WWTR1: variants seen among roughly 807,000 people sequenced by gnomAD.
WWTR1 encodes WW domain containing transcription regulator 1.
WWTR1 carries 13 observed loss-of-function variants against 40.1 expected under a neutral mutation model. That is an observed-to-expected ratio of 0.32 (90% confidence interval 0.21 to 0.52). WWTR1 has a LOEUF of 0.52. WWTR1 is among the 20% of genes least tolerant of loss of function. The pLI is 0.97. For synonymous variants in WWTR1, 230 were observed against 210.1 expected, an observed-to-expected ratio of 1.09 and a Z score of -0.82; for missense variants, 436 against 523.1, an observed-to-expected ratio of 0.83 and a Z score of 1.63.
upstream of WWTR1, among the ~76,000 whole-genome samples, chr3:149,704,040 T>C (rs1180381636): frequency 6.6e-6 from 1 of 152,172 alleles, no homozygotes; most frequent in East Asian, 1.9e-4. Context: ...TGCAGTGGCA[T>C]GATCATGGCT....
intron 3 of WWTR1, among the ~76,000 whole-genome samples, chr3:149,570,551 G>A (rs1046294451): frequency 1.1e-4 from 16 of 150,036 alleles, no homozygotes; most frequent in African/African-American, 3.2e-4. Context: ...CCGGATGACA[G>A]GGTGAGCCTC....
intron 3 of WWTR1, among the ~76,000 whole-genome samples, chr3:149,558,999 T>A (rs1281998261): frequency 6.6e-6 from 1 of 152,054 alleles, no homozygotes; most frequent in Non-Finnish European, 1.5e-5. Context: ...TGTGCTTATA[T>A]AAGAAAATGT....
upstream of WWTR1, chr3:149,660,039 C>T (rs1713504460): frequency 1.3e-5 from 2 of 152,062 alleles, no homozygotes; most frequent in South Asian, 4.2e-4. Flanking sequence ...CTGCCTCAGC[C>T]TCCCGAGTAG....
chr3:149,642,571 C>T (rs1427320613), intron 2 of WWTR1, among the ~76,000 whole-genome samples: 2 of 151,684 alleles, frequency 1.3e-5, no homozygotes, highest in African/African-American at 2.4e-5. Flanking sequence ...GTCAGGAGAT[C>T]GAGACCATCC....
At chr3:149,642,491 T>C (rs1212101701) in intron 2 of WWTR1, among the ~76,000 whole-genome samples, 1 of 150,570 alleles carries the variant, frequency 6.6e-6, no homozygotes, top group Admixed American at 6.6e-5. Context: ...GTAAGAGAAA[T>C]CCGGCCGGGC....
intron 3 of WWTR1, among the ~76,000 whole-genome samples, chr3:149,562,494 C>T (rs921942814): frequency 3.3e-5 from 5 of 151,864 alleles, no homozygotes; most frequent in African/African-American, 9.7e-5. Context: ...TCAGCATTTT[C>T]TACAGTGACC....
chr3:149,670,714 A>G (rs1714047240), intron 1 of WWTR1: 1 of 151,970 alleles, frequency 6.6e-6, no homozygotes, highest in South Asian at 2.1e-4. Flanking sequence ...CCAGGGCCTG[A>G]TGAGTAGACA....
At chr3:149,591,814 A>G (rs1035258908) in intron 2 of WWTR1, among the ~76,000 whole-genome samples, 2 of 152,214 alleles carry the variant, frequency 1.3e-5, no homozygotes, top group African/African-American at 4.8e-5. Flanking sequence ...CAGACCCGTA[A>G]TAAATATATT....
intron 3 of WWTR1, among the ~76,000 whole-genome samples, chr3:149,568,556 A>AAAAAAAAAAC (rs1560064535): frequency 7.2e-6 from 1 of 138,562 alleles, no homozygotes; most frequent in African/African-American, 2.7e-5. Flanking sequence ...AAAAAAAAAA[A>AAAAAAAAAAC]AAAACCATAT....
intron 2 of WWTR1, among the ~76,000 whole-genome samples, chr3:149,628,742 ATTTTATTTTATTTT>A: frequency 2.7e-5 from 1 of 37,154 alleles, no homozygotes; most frequent in South Asian, 9.2e-4. Flanking sequence ...TATTTTTTTT[ATTTTATTTTATTTT>A]ATTTTATTTT....
chr3:149,586,270 T>A (rs1738419753), intron 2 of WWTR1, among the ~76,000 whole-genome samples: 2 of 152,212 alleles, frequency 1.3e-5, no homozygotes, highest in Non-Finnish European at 2.9e-5. Flanking sequence ...ACTTTTTTTT[T>A]TTTATTTAAG....
intron 2 of WWTR1, among the ~76,000 whole-genome samples, chr3:149,605,901 A>G (rs1167332879): frequency 1.3e-5 from 2 of 152,200 alleles, no homozygotes; most frequent in Admixed American, 6.5e-5. Flanking sequence ...CACAGGTGGC[A>G]TACTGCTATG....
chr3:149,648,097 T>C (rs530967058), intron 2 of WWTR1, among the ~76,000 whole-genome samples: 15 of 152,298 alleles, frequency 9.8e-5, no homozygotes, highest in African/African-American at 3.4e-4. Context: ...TTTTTGAAGG[T>C]TCCATTTATG....
intron 3 of WWTR1, among the ~76,000 whole-genome samples, chr3:149,560,602 T>G (rs1175285262): frequency 1.3e-5 from 2 of 152,246 alleles, no homozygotes; most frequent in Non-Finnish European, 2.9e-5. Flanking sequence ...TTGAAGCAGC[T>G]AAATGAAGGC....
intron 3 of WWTR1, among the ~76,000 whole-genome samples, chr3:149,571,724 C>T (rs1353986121): frequency 6.6e-6 from 1 of 152,188 alleles, no homozygotes; most frequent in East Asian, 1.9e-4. Flanking sequence ...CTTGTTCATT[C>T]CTGAAAATCC....
chr3:149,612,830 T>A (rs1739797258), intron 2 of WWTR1, among the ~76,000 whole-genome samples: 1 of 152,154 alleles, frequency 6.6e-6, no homozygotes, highest in Non-Finnish European at 1.5e-5. Flanking sequence ...CTTAACTCCC[T>A]CCCCATGTCA....
At chr3:149,723,730 T>C (rs1304844755) in intron 4 of WWTR1, among the ~76,000 whole-genome samples, 2 of 152,228 alleles carry the variant, frequency 1.3e-5, no homozygotes, top group African/African-American at 4.8e-5. Flanking sequence ...TTGCCCTTTA[T>C]ATTCCCTGAG....
chr3:149,618,453 C>T (rs1740109907), intron 2 of WWTR1, among the ~76,000 whole-genome samples: 1 of 152,114 alleles, frequency 6.6e-6, no homozygotes, highest in East Asian at 1.9e-4. Flanking sequence ...ACAACACCAC[C>T]CAAGGCAGGC....
At chr3:149,567,974 T>C (rs1737412399) in intron 3 of WWTR1, among the ~76,000 whole-genome samples, 1 of 152,224 alleles carries the variant, frequency 6.6e-6, no homozygotes, top group Non-Finnish European at 1.5e-5. Context: ...GTTTTATACA[T>C]TATAACAGAG....
Sources: gnomAD v4.1 joint callset for allele counts (sites outside exome capture counted in the v4.1 genomes callset) on GRCh38, gnomAD v4.1.1 for gene constraint, MANE v1.5 for transcripts, NCBI Gene and HGNC (gene_info 2026-07-23, HGNC 2026-07-21) for gene names.